NLN: variants seen among roughly 807,000 people sequenced by gnomAD.
NLN encodes neurolysin, also known as neurolysin, mitochondrial.
A neutral mutation model predicts 79.9 loss-of-function variants in NLN; 64 were observed. The ratio of observed to expected loss-of-function variants is 0.80; its 90% CI spans 0.65 to 0.99. The LOEUF (loss-of-function observed/expected upper bound fraction) is 0.99, where lower values mean the gene tolerates loss of function less well. NLN is among the 50% of genes least tolerant of loss of function. The pLI, the probability that NLN is intolerant of heterozygous loss-of-function variation, is 0.00. For missense variants in NLN, 835 were observed against 858.7 expected, an observed-to-expected ratio of 0.97 and a Z score of 0.34; for synonymous variants, 267 against 296.6, an observed-to-expected ratio of 0.90 and a Z score of 1.02.
chr5:65,722,456 G>C (rs998306096), intron 1 of NLN, 42 bp downstream of exon 1: 4 of 1,542,154 alleles, frequency 2.6e-6, no homozygotes, highest in Admixed American at 1.9e-5. Context: ...TGGGCAGGGC[G>C]GGGTCTTTCG....
chr5:65,782,890 G>A (rs913304384), intron 6 of NLN, among the ~76,000 whole-genome samples: 2 of 152,172 alleles, frequency 1.3e-5, no homozygotes, highest in African/African-American at 2.4e-5. Context: ...TCTGAGTTAT[G>A]GCAAGCAACA....
chr5:65,733,404 A>G (rs1758655486), intron 1 of NLN: 1 of 1,497,630 alleles, frequency 6.7e-7, no homozygotes, highest in Admixed American at 1.7e-5. Context: ...GACCTCCATG[A>G]ATGCTCTGAA....
At chr5:65,792,250 G>A (rs1579954812) in intron 8 of NLN, among the ~76,000 whole-genome samples, 1 of 152,184 alleles carries the variant, frequency 6.6e-6, no homozygotes, top group Admixed American at 6.5e-5. Flanking sequence ...AAACTTCGGA[G>A]CTCACACAGA....
chr5:65,722,562 C>A, intron 1 of NLN, 148 bp downstream of exon 1: 1 of 700,910 alleles, frequency 1.4e-6, no homozygotes, highest in South Asian at 2.0e-5. Context: ...AGGTGGACCC[C>A]TGGGGGACAC....
At chr5:65,796,508 C>T (rs1245472164) in intron 9 of NLN, among the ~76,000 whole-genome samples, 1 of 152,216 alleles carries the variant, frequency 6.6e-6, no homozygotes, top group African/African-American at 2.4e-5. Context: ...TTTTGCCTAA[C>T]CTCATCCATG....
intron 12 of NLN, among the ~76,000 whole-genome samples, chr5:65,820,187 A>AT (rs1292172316): frequency 2.0e-5 from 3 of 152,184 alleles, no homozygotes; most frequent in African/African-American, 7.2e-5. Flanking sequence ...ATTTGGAGTG[A>AT]TTTTTTAAAA....
intron 1 of NLN, among the ~76,000 whole-genome samples, chr5:65,739,055 A>C (rs1758816081): frequency 7.2e-6 from 1 of 139,452 alleles, no homozygotes; most frequent in South Asian, 2.1e-4. Context: ...AATATATATA[A>C]ATTAGCCTGG....
intron 3 of NLN, among the ~76,000 whole-genome samples, chr5:65,771,587 A>G (rs1015201789): frequency 2.0e-5 from 3 of 152,228 alleles, no homozygotes; most frequent in Non-Finnish European, 4.4e-5. Context: ...ATCTTAGCCA[A>G]TTAGTGATTT....
chr5:65,790,024 C>A (rs1182154259), intron 8 of NLN, among the ~76,000 whole-genome samples: 2 of 152,162 alleles, frequency 1.3e-5, no homozygotes. Flanking sequence ...CCCCAGATAT[C>A]AGTGGTAACA....
chr5:65,781,320 AT>A lies in NLN; in HGVS notation c.723del (p.Thr242ProfsTer2). 13 of 1,604,406 alleles carry A rather than the reference AT, an allele frequency of 8.1e-6. No individual in the cohort carries two copies. Among genetic ancestry groups the A allele is most frequent in the Non-Finnish European group, 1.1e-5 (13 of 1,171,324 alleles). ...AAAGACAGATGATGACAAGTATAAA[AT>A]TACCTTAAAATATCCACACTATTTC... ...LEKTDDDKYK[I>X]TLKYPHYFPV... On this transcript the variant is annotated frameshift_variant, in exon 6 of 13. Transcript: ENST00000380985. LOFTEE classifies it high-confidence loss of function.
At chr5:65,799,661 G>A (rs1431597669) in intron 9 of NLN, among the ~76,000 whole-genome samples, 1 of 152,228 alleles carries the variant, frequency 6.6e-6, no homozygotes, top group Non-Finnish European at 1.5e-5. Context: ...GGAAGGTACA[G>A]CTAGTTTGGG....
intron 9 of NLN, 185 bp from the exon 10 acceptor site, chr5:65,809,330 T>C: frequency 1.9e-6 from 1 of 528,206 alleles, no homozygotes; most frequent in Non-Finnish European, 3.3e-6. Context: ...TATTTGGGGG[T>C]TGTTTTTCAC....
chr5:65,815,309 A>G (rs571598265), intron 12 of NLN, among the ~76,000 whole-genome samples: 1 of 152,312 alleles, frequency 6.6e-6, no homozygotes, highest in South Asian at 2.1e-4. Context: ...AGTGTAATAG[A>G]AGCAATTCCT....
At chr5:65,767,734 G>A (rs139743687) in intron 3 of NLN, among the ~76,000 whole-genome samples, 3 of 152,250 alleles carry the variant, frequency 2.0e-5, no homozygotes, top group Non-Finnish European at 4.4e-5. Flanking sequence ...CATAAGTCCC[G>A]ATTTCAAACC....
In NLN at chr5:65,758,557, T is replaced by A. The variant is rs751849827; in HGVS notation, c.42-10T>A. ...TCCCTAATTCTTATTCTTTTTCTGA[T>A]TCTTTTTAGAGTTGGTGGTTCCAGG... On this transcript the variant is annotated splice_polypyrimidine_tract_variant and intron_variant, in intron 1 of 12. Coordinates refer to ENST00000380985, the MANE Select transcript of NLN (RefSeq NM_020726.5). 1.9e-6 allele frequency: 3 copies of A among 1,589,226 alleles called. No homozygotes were observed. Among genetic ancestry groups the A allele is most frequent in the Non-Finnish European group, 2.6e-6 (3 of 1,159,420 alleles).
chr5:65,787,237 T>TAG (rs1491232418), intron 7 of NLN, among the ~76,000 whole-genome samples: 2 of 142,150 alleles, frequency 1.4e-5, no homozygotes, highest in African/African-American at 2.9e-5. Context: ...TCTCTCTCTT[T>TAG]ATATATATAT....
intron 9 of NLN, 144 bp from the exon 10 acceptor site, chr5:65,809,371 T>C: frequency 1.6e-6 from 1 of 634,406 alleles, no homozygotes; most frequent in Non-Finnish European, 2.7e-6. Flanking sequence ...TATTTTCACT[T>C]GACTATGAGG....
At chr5:65,757,162 G>A (rs1759237511) in intron 1 of NLN, among the ~76,000 whole-genome samples, 1 of 152,120 alleles carries the variant, frequency 6.6e-6, no homozygotes, top group Non-Finnish European at 1.5e-5. Context: ...TACAGTACAT[G>A]CTCATAAATA....
At chr5:65,822,754 A>G in intron 12 of NLN, 27 bp from the exon 13 acceptor site, 2 of 1,578,856 alleles carry the variant, frequency 1.3e-6, no homozygotes, top group Non-Finnish European at 8.7e-7. Context: ...ACCATGAATT[A>G]TTAGGTATGA....
Sources: allele counts gnomAD v4.1 joint callset (sites outside exome capture counted in the v4.1 genomes callset), GRCh38; gene constraint gnomAD v4.1.1; transcripts MANE v1.5; gene names NCBI Gene and HGNC (gene_info 2026-07-23, HGNC 2026-07-21).